FAF1: variants seen among roughly 807,000 people sequenced by gnomAD.
The protein encoded by FAF1 is Fas associated factor 1.
A neutral mutation model predicts 92.5 loss-of-function variants in FAF1; 25 were observed. That is an observed-to-expected ratio of 0.27 (90% CI 0.20 to 0.38). The LOEUF is 0.38. Among genes scored for constraint, FAF1 ranks in the 10% least tolerant of loss-of-function variants. FAF1 has a pLI of 1.00. For synonymous variants in FAF1, 234 were observed against 273.2 expected (o/e 0.86, Z 1.42); for missense variants, 636 against 793.3 (o/e 0.80, Z 2.38).
At chr1:50,934,952 C>T (rs183372107) in intron 1 of FAF1, among the ~76,000 whole-genome samples, 1 of 152,110 alleles carries the variant, frequency 6.6e-6, no homozygotes, top group African/African-American at 2.4e-5. Flanking sequence ...AAAGATTTTT[C>T]TCTTTATCTT....
At chr1:50,819,790 T>TATATATACGG (rs1557543745) in intron 2 of FAF1, among the ~76,000 whole-genome samples, 1 of 99,082 alleles carries the variant, frequency 1.0e-5, no homozygotes, top group Non-Finnish European at 2.1e-5. Flanking sequence ...TATATATACA[T>TATATATACGG]ATATATATAT....
At chr1:50,766,767 AAAAC>A (rs759064503) in intron 4 of FAF1, among the ~76,000 whole-genome samples, 27 of 151,216 alleles carry the variant, frequency 1.8e-4, no homozygotes, top group Non-Finnish European at 2.5e-4. Context: ...AAAGAAGATA[AAAAC>A]AAACAAACAA....
intron 9 of FAF1, among the ~76,000 whole-genome samples, chr1:50,591,307 T>C (rs1028989485): frequency 2.0e-5 from 3 of 152,176 alleles, no homozygotes; most frequent in African/African-American, 7.2e-5. Context: ...CTTTTAAATC[T>C]AGCCTGTGCA....
chr1:50,511,435 CCCCT>C (rs1320517398), intron 15 of FAF1, among the ~76,000 whole-genome samples: 1 of 149,194 alleles, frequency 6.7e-6, no homozygotes, highest in African/African-American at 2.5e-5. Flanking sequence ...GTGTGATATT[CCCCT>C]CCCTGTGTCC....
At position 50,490,482 on chromosome 1, in the gene FAF1, G is replaced by GA. The variant is rs1211334374; in HGVS notation, c.1653+105dup. 106 of 635,632 alleles carry GA rather than the reference G, an allele frequency of 1.7e-4. 5 individuals carry two copies. In the African/African-American group the frequency reaches 1.9e-3, roughly 12 times the overall value. 39.4% of individuals were successfully genotyped at this position (635,632 alleles called of 1,614,324 possible). A position where few individuals can be genotyped will look rare whatever the true frequency, so the allele number is the denominator to read the frequency against. ...AAGGAAAAAGAAAGAAGGAAGGAAGGAAGGAAGGAAAGGAAGGAAGGAAGG... is the reference window on the plus strand; with the variant it reads ...AAGGAAAAAGAAAGAAGGAAGGAAGGAAAGGAAGGAAAGGAAGGAAGGAAGG... On this transcript the variant is annotated intron_variant, in intron 17 of 18. Transcript: ENST00000396153.
chr1:50,746,046 AGTCACTTTT>A (rs916385988), intron 4 of FAF1, among the ~76,000 whole-genome samples: 5 of 151,756 alleles, frequency 3.3e-5, no homozygotes, highest in Admixed American at 6.6e-5. Context: ...CTGGAGCAAA[AGTCACTTTT>A]GTTATGTGTT....
chr1:50,954,717 G>T (rs1482058260), intron 1 of FAF1, among the ~76,000 whole-genome samples: 1 of 151,182 alleles, frequency 6.6e-6, no homozygotes, highest in Non-Finnish European at 1.5e-5. Context: ...TTGTGTGTGT[G>T]TTTTTAGTAG....
intron 2 of FAF1, among the ~76,000 whole-genome samples, chr1:50,853,960 T>C (rs1218634917): frequency 2.0e-5 from 3 of 152,036 alleles, no homozygotes; most frequent in Non-Finnish European, 4.4e-5. Context: ...ACTTCATATA[T>C]CATGGAAGCT....
chr1:50,775,753 G>C (rs1310516022), intron 4 of FAF1, among the ~76,000 whole-genome samples: 2 of 151,296 alleles, frequency 1.3e-5, no homozygotes, highest in African/African-American at 4.9e-5. Flanking sequence ...GTAACAAAGG[G>C]GGACGAAAAA....
intron 15 of FAF1, among the ~76,000 whole-genome samples, chr1:50,499,366 T>G (rs867421926): frequency 2.7e-5 from 4 of 150,790 alleles, no homozygotes; most frequent in East Asian, 1.9e-4. Flanking sequence ...CTGTAGGGTT[T>G]TTTTTTTTTT....
chr1:50,718,136 C>T (rs866979228), intron 6 of FAF1, among the ~76,000 whole-genome samples: 31 of 152,250 alleles, frequency 2.0e-4, no homozygotes, highest in African/African-American at 7.0e-4. Flanking sequence ...TCTCCTGCTT[C>T]AGCCTCCCAA....
intron 7 of FAF1, among the ~76,000 whole-genome samples, chr1:50,698,030 G>T (rs1569789466): frequency 6.6e-6 from 1 of 152,050 alleles, no homozygotes; most frequent in African/African-American, 2.4e-5. Flanking sequence ...GGCATATAAA[G>T]ATAAACATGT....
intron 14 of FAF1, among the ~76,000 whole-genome samples, chr1:50,536,811 A>G (rs1648507530): frequency 6.6e-6 from 1 of 152,232 alleles, no homozygotes; most frequent in African/African-American, 2.4e-5. Context: ...AAGTGAATAA[A>G]TGGACTGTAG....
intron 12 of FAF1, among the ~76,000 whole-genome samples, chr1:50,573,483 C>A (rs1650552852): frequency 6.6e-6 from 1 of 152,142 alleles, no homozygotes; most frequent in Admixed American, 6.5e-5. Flanking sequence ...GGGAAAGGCC[C>A]AGCAATGTCA....
intron 4 of FAF1, among the ~76,000 whole-genome samples, chr1:50,764,479 C>G (rs1440995836): frequency 1.3e-5 from 2 of 152,170 alleles, no homozygotes; most frequent in Non-Finnish European, 2.9e-5. Context: ...CAATCTCAGT[C>G]TCAGGGAATC....
At chr1:50,547,240 G>T (rs1649067778) in intron 13 of FAF1, among the ~76,000 whole-genome samples, 1 of 151,880 alleles carries the variant, frequency 6.6e-6, no homozygotes, top group Non-Finnish European at 1.5e-5. Flanking sequence ...CGATGCAAAT[G>T]CACATATTGT....
At chr1:50,736,545 T>C (rs1003723939) in intron 6 of FAF1, among the ~76,000 whole-genome samples, 11 of 152,018 alleles carry the variant, frequency 7.2e-5, no homozygotes, top group Non-Finnish European at 1.0e-4. Context: ...AGTTCAGGGG[T>C]TTGAGACCAG....
At chr1:50,709,134 C>CA (rs991209151) in intron 6 of FAF1, among the ~76,000 whole-genome samples, 1 of 152,174 alleles carries the variant, frequency 6.6e-6, no homozygotes, top group Non-Finnish European at 1.5e-5. Flanking sequence ...GCTTGTCTGA[C>CA]ATCCCCTCAT....
chr1:50,574,511 G>C (rs1650617035), intron 12 of FAF1, among the ~76,000 whole-genome samples: 1 of 152,044 alleles, frequency 6.6e-6, no homozygotes, highest in African/African-American at 2.4e-5. Context: ...ATTCTCTATG[G>C]GGAGGGATAA....
Sources: gnomAD v4.1 joint callset for allele counts (sites outside exome capture counted in the v4.1 genomes callset) on GRCh38, gnomAD v4.1.1 for gene constraint, MANE v1.5 for transcripts, NCBI Gene and HGNC (gene_info 2026-07-23, HGNC 2026-07-21) for gene names.